MPDZ: variants seen among roughly 807,000 people sequenced by gnomAD.
The protein encoded by MPDZ is multiple PDZ domain crumbs cell polarity complex component.
MPDZ carries 234 observed loss-of-function variants against 239.1 expected under a neutral mutation model. The observed-to-expected ratio is 0.98, with a 90% CI of 0.88 to 1.09. The LOEUF (loss-of-function observed/expected upper bound fraction) is 1.09, where lower values mean the gene tolerates loss of function less well. MPDZ is among the 50% of genes least tolerant of loss of function. MPDZ has a pLI of 0.00. For missense variants in MPDZ, 3,175 were observed against 2,510.0 expected, an observed-to-expected ratio of 1.26 and a Z score of -5.66; for synonymous variants, 1,048 against 881.3, an observed-to-expected ratio of 1.19 and a Z score of -3.35.
chr9:13,107,747 A>G (rs1369790242), intron 46 of MPDZ, among the ~76,000 whole-genome samples: 1 of 152,222 alleles, frequency 6.6e-6, no homozygotes, highest in Non-Finnish European at 1.5e-5. Context: ...AAGATTAAAT[A>G]CAGACATTGG....
chr9:13,186,956 ATC>A (rs1954192071), intron 17 of MPDZ, among the ~76,000 whole-genome samples: 1 of 152,208 alleles, frequency 6.6e-6, no homozygotes, highest in African/African-American at 2.4e-5. Flanking sequence ...CAAAAACCAA[ATC>A]TCTACATATC....
At chr9:13,160,176 C>T (rs1424685296) in intron 23 of MPDZ, among the ~76,000 whole-genome samples, 2 of 152,108 alleles carry the variant, frequency 1.3e-5, no homozygotes, top group African/African-American at 4.8e-5. Flanking sequence ...GCACATGCTT[C>T]GTAGACTTGT....
chr9:13,268,371 A>G (rs1005943400), intron 1 of MPDZ, among the ~76,000 whole-genome samples: 1 of 152,012 alleles, frequency 6.6e-6, no homozygotes, highest in Admixed American at 6.6e-5. Flanking sequence ...TAAATTTTTT[A>G]TATCTAATTT....
intron 19 of MPDZ, among the ~76,000 whole-genome samples, chr9:13,176,855 T>A (rs921131428): frequency 9.2e-5 from 14 of 152,260 alleles, no homozygotes; most frequent in African/African-American, 3.1e-4. Context: ...ATGACATTAA[T>A]TGATTTGGAC....
rs1362046514 is a variant in MPDZ, at chr9:13,136,794, G to A, written c.4210C>T (p.Gln1404Ter). 2 of 1,589,850 alleles carry A rather than the reference G, an allele frequency of 1.3e-6. No individual in the cohort carries two copies. Among genetic ancestry groups the A allele is most frequent in the Non-Finnish European group, 1.7e-6 (2 of 1,164,400 alleles). The stretch of plus-strand genomic sequence containing the variant: ...TGATGACTTCTTCCATATAAAATCT[G>A]ACCATTGATCTGTGAGAAATAAATA... ...IADELLEING[Q>*]ILYGRSHQNA... The change falls in exon 30 of 47, where the codon CAG becomes TAG. Residue 1404 changes from glutamine to a stop codon, truncating the protein, a stop_gained. Transcript: ENST00000319217. LOFTEE classifies it high-confidence loss of function.
chr9:13,213,029 C>T (rs922961510), intron 10 of MPDZ, among the ~76,000 whole-genome samples: 1 of 152,130 alleles, frequency 6.6e-6, no homozygotes, highest in South Asian at 2.1e-4. Flanking sequence ...CAACGTTTGA[C>T]ACTTTTCCTT....
At chr9:13,252,843 C>T (rs541735154) in intron 1 of MPDZ, among the ~76,000 whole-genome samples, 1 of 151,794 alleles carries the variant, frequency 6.6e-6, no homozygotes, top group African/African-American at 2.4e-5. Flanking sequence ...AGCATGATAG[C>T]AATAAAAAAA....
chr9:13,188,716 C>G (rs531069805), intron 17 of MPDZ, 68 bp downstream of exon 17: 16 of 1,407,510 alleles, frequency 1.1e-5, no homozygotes, highest in Admixed American at 2.0e-5. Flanking sequence ...ACACCTAAAG[C>G]GAAAAGTAGA....
rs755131580 is a variant in MPDZ at position 13,136,100 on chromosome 9, T to G, written c.4375A>C (p.Asn1459His). The G allele has an allele frequency of 1.9e-6, 3 of 1,606,296 alleles. No homozygotes were observed. Among genetic ancestry groups the G allele is most frequent in the Non-Finnish European group, 1.7e-6 (2 of 1,174,132 alleles). Residue 1459 changes from asparagine to histidine, a missense_variant, in exon 31 of 47, where the codon AAT (asparagine) becomes CAT (histidine). Asn to His is a moderately conservative substitution (Grantham distance 68). Coordinates refer to ENST00000319217, the MANE Select transcript of MPDZ (RefSeq NM_001378778.1). Reference protein sequence around the residue: ...PLPSNSENLQNKETEPTVTTS... With the variant: ...PLPSNSENLQHKETEPTVTTS... The stretch of plus-strand genomic sequence containing the variant: ...ACATAAGTTACATATACCTCCTTAT[T>G]TTGAAGATTTTCTGAGTTAGAAGGC...
intron 32 of MPDZ, among the ~76,000 whole-genome samples, chr9:13,132,723 G>C (rs768379323): frequency 6.6e-6 from 1 of 152,186 alleles, no homozygotes; most frequent in Non-Finnish European, 1.5e-5. Context: ...ACAAGTCTAT[G>C]AGGTAAGTTG....
At chr9:13,276,183 T>A (rs1194679483) in intron 1 of MPDZ, among the ~76,000 whole-genome samples, 1 of 152,210 alleles carries the variant, frequency 6.6e-6, no homozygotes, top group Non-Finnish European at 1.5e-5. Flanking sequence ...ACATTCTTCC[T>A]AATCCATCTA....
intron 39 of MPDZ, among the ~76,000 whole-genome samples, chr9:13,117,200 G>C (rs1943591640): frequency 6.6e-6 from 1 of 151,984 alleles, no homozygotes; most frequent in South Asian, 2.1e-4. Flanking sequence ...ACTATACTCT[G>C]GGCAACTGAA....
At chr9:13,234,763 TA>T (rs1963494320) in intron 3 of MPDZ, among the ~76,000 whole-genome samples, 1 of 152,100 alleles carries the variant, frequency 6.6e-6, no homozygotes, top group South Asian at 2.1e-4. Flanking sequence ...AAACAAGAAA[TA>T]AGCCATTCTT....
intron 21 of MPDZ, among the ~76,000 whole-genome samples, chr9:13,170,517 T>A (rs1446327186): frequency 6.6e-6 from 1 of 152,192 alleles, no homozygotes. Flanking sequence ...TTTCAAAAGG[T>A]ACTCCATTTT....
At chr9:13,211,116 T>A (rs1211423062) in intron 10 of MPDZ, among the ~76,000 whole-genome samples, 1 of 152,144 alleles carries the variant, frequency 6.6e-6, no homozygotes, top group East Asian at 1.9e-4. Flanking sequence ...GGGGTTCATT[T>A]GAAATTAGAC....
At chr9:13,144,956 T>C (rs1310136057) in intron 26 of MPDZ, among the ~76,000 whole-genome samples, 1 of 152,060 alleles carries the variant, frequency 6.6e-6, no homozygotes, top group African/African-American at 2.4e-5. Flanking sequence ...TTATTTCTAA[T>C]CTCCATACAT....
intron 1 of MPDZ, among the ~76,000 whole-genome samples, chr9:13,253,225 T>TAA (rs370161594): frequency 0.15 from 21,817 of 143,720 alleles, 1,856 homozygotes; most frequent in Non-Finnish European, 0.17. Flanking sequence ...ACACAAAGGT[T>TAA]AAAAAAAAAA....
At chr9:13,262,624 G>A (rs938747926) in intron 1 of MPDZ, among the ~76,000 whole-genome samples, 13 of 149,950 alleles carry the variant, frequency 8.7e-5, no homozygotes, top group African/African-American at 2.7e-4. Context: ...AAAAAAAGAT[G>A]AACAAAAAAT....
chr9:13,112,310 A>G (rs1426991215), intron 42 of MPDZ, among the ~76,000 whole-genome samples, 164 bp from the exon 43 acceptor site: 1 of 152,244 alleles, frequency 6.6e-6, no homozygotes, highest in Non-Finnish European at 1.5e-5. Context: ...ACAGGTGCTT[A>G]GCGTGGCTTA....
Sources: allele counts gnomAD v4.1 joint callset (sites outside exome capture counted in the v4.1 genomes callset), GRCh38; gene constraint gnomAD v4.1.1; transcripts MANE v1.5; gene names NCBI Gene and HGNC (gene_info 2026-07-23, HGNC 2026-07-21).